The following TMEM51 variants were observed in gnomAD, a reference collection of about 807,000 sequenced individuals.
TMEM51 encodes the protein chromosome 1 open reading frame 72.
TMEM51 carries 8 observed loss-of-function variants against 13.6 expected under a neutral mutation model. The ratio of observed to expected loss-of-function variants is 0.59; its 90% CI spans 0.35 to 1.07. The LOEUF is 1.07. TMEM51 is among the 50% of genes least tolerant of loss of function. The pLI is 0.02. For synonymous variants in TMEM51, 147 were observed against 144.4 expected, an observed-to-expected ratio of 1.02 and a Z score of -0.13; for missense variants, 279 against 330.7, an observed-to-expected ratio of 0.84 and a Z score of 1.21.
intron 3 of TMEM51, among the ~76,000 whole-genome samples, chr1:15,218,210 T>C (rs1002571329): frequency 1.3e-5 from 2 of 152,222 alleles, no homozygotes; most frequent in Non-Finnish European, 2.9e-5. Flanking sequence ...GACCTGATCT[T>C]TTTGAGTCTT....
intron 1 of TMEM51, among the ~76,000 whole-genome samples, chr1:15,203,339 C>T (rs1443594987): frequency 6.6e-6 from 1 of 152,142 alleles, no homozygotes; most frequent in Non-Finnish European, 1.5e-5. Context: ...CTTGCAACCT[C>T]CGCCTCCCTG....
intron 1 of TMEM51, among the ~76,000 whole-genome samples, chr1:15,167,037 A>G (rs1197760297): frequency 6.6e-6 from 1 of 152,050 alleles, no homozygotes; most frequent in Non-Finnish European, 1.5e-5. Context: ...AGTAGAATAC[A>G]TTTGAAATGG....
At chr1:15,174,832 A>C (rs991678294) in intron 1 of TMEM51, among the ~76,000 whole-genome samples, 1 of 152,176 alleles carries the variant, frequency 6.6e-6, no homozygotes, top group African/African-American at 2.4e-5. Context: ...ACGTGTGCAG[A>C]GAGAGCTCTC....
chr1:15,199,559 G>A (rs1211831818), intron 1 of TMEM51, among the ~76,000 whole-genome samples: 2 of 152,186 alleles, frequency 1.3e-5, no homozygotes, highest in African/African-American at 4.8e-5. Context: ...AAACACAGAA[G>A]AGGAAACTGA....
intron 1 of TMEM51, among the ~76,000 whole-genome samples, chr1:15,175,887 A>G (rs1315909709): frequency 6.6e-6 from 1 of 152,158 alleles, no homozygotes; most frequent in Non-Finnish European, 1.5e-5. Flanking sequence ...CAGCCAAACC[A>G]TATCACTCTG....
intron 1 of TMEM51, among the ~76,000 whole-genome samples, chr1:15,196,014 G>A (rs573516634): frequency 1.3e-5 from 2 of 152,326 alleles, no homozygotes; most frequent in East Asian, 3.9e-4. Context: ...AAAAGATGGA[G>A]GCAGTCCTCA....
intron 1 of TMEM51, among the ~76,000 whole-genome samples, chr1:15,189,600 C>T (rs1370674462): frequency 5.9e-5 from 9 of 152,202 alleles, no homozygotes; most frequent in Admixed American, 1.3e-4. Flanking sequence ...GGACACCCAC[C>T]GTGGGGCTTG....
chr1:15,171,500 G>C (rs1435276200), intron 1 of TMEM51, among the ~76,000 whole-genome samples: 10 of 152,022 alleles, frequency 6.6e-5, no homozygotes. Flanking sequence ...AAGTGTCCGC[G>C]GGGGGGCCTG....
intron 1 of TMEM51, among the ~76,000 whole-genome samples, 181 bp downstream of exon 1, chr1:15,154,135 C>A (rs1395883628): frequency 6.6e-6 from 1 of 152,078 alleles, no homozygotes; most frequent in Admixed American, 6.5e-5. Context: ...CCTCTGCGGC[C>A]GCGCCCCGCC....
chr1:15,217,792 G>A (rs1317617718), intron 3 of TMEM51, among the ~76,000 whole-genome samples: 1 of 152,132 alleles, frequency 6.6e-6, no homozygotes, highest in Non-Finnish European at 1.5e-5. Context: ...ACACTGAGGA[G>A]GGGAATCTGC....
intron 1 of TMEM51, among the ~76,000 whole-genome samples, chr1:15,190,250 G>A (rs1297534021): frequency 6.6e-6 from 1 of 152,174 alleles, no homozygotes; most frequent in Non-Finnish European, 1.5e-5. Flanking sequence ...CTCTGGGCTC[G>A]AGTGTTTGTG....
At chr1:15,179,034 G>T (rs903476543) in intron 1 of TMEM51, among the ~76,000 whole-genome samples, 1 of 152,176 alleles carries the variant, frequency 6.6e-6, no homozygotes, top group Non-Finnish European at 1.5e-5. Context: ...GGGACTGCTC[G>T]TTAGGAAAAC....
Position 15,215,042 on chromosome 1 carries a change from A to C in TMEM51, c.-46A>C. 6.5e-7 allele frequency: 1 copy of C among 1,548,284 alleles called. No individual in the cohort carries two copies. Among genetic ancestry groups the C allele is most frequent in the Non-Finnish European group, 8.7e-7 (1 of 1,143,624 alleles). ...TTGTTGTGACTGCTGCCTTGTATAC[A>C]TTTATTTTCTTTCTTGGAACTGGGC... On this transcript the variant is annotated 5_prime_UTR_variant, in exon 3 of 4. Transcript: ENST00000376008.
intron 1 of TMEM51, among the ~76,000 whole-genome samples, chr1:15,206,681 G>C (rs1343307976): frequency 6.6e-6 from 1 of 152,182 alleles, no homozygotes; most frequent in East Asian, 1.9e-4. Flanking sequence ...CTGAGTATCA[G>C]CTGCTGCTGA....
At chr1:15,195,190 C>T (rs1644023994) in intron 1 of TMEM51, among the ~76,000 whole-genome samples, 1 of 152,032 alleles carries the variant, frequency 6.6e-6, no homozygotes, top group South Asian at 2.1e-4. Flanking sequence ...ACCTCGGCCT[C>T]CCAAAGTGCT....
intron 1 of TMEM51, among the ~76,000 whole-genome samples, chr1:15,186,551 T>C (rs2312330): frequency 0.54 from 81,593 of 152,054 alleles, 22,382 homozygotes; most frequent in East Asian, 0.64. Context: ...GGGCAAAGTT[T>C]ACTTAGCCTC....
chr1:15,201,720 G>A (rs975276758), intron 1 of TMEM51, among the ~76,000 whole-genome samples: 22 of 152,130 alleles, frequency 1.4e-4, no homozygotes, highest in African/African-American at 4.3e-4. Context: ...GGACAAGCTC[G>A]GCTCAATACC....
chr1:15,209,796 C>A (rs1644309186), intron 1 of TMEM51, among the ~76,000 whole-genome samples: 1 of 152,086 alleles, frequency 6.6e-6, no homozygotes, highest in African/African-American at 2.4e-5. Flanking sequence ...CTTTGGGAGG[C>A]CAAGGCAAGA....
At chr1:15,193,575 C>CTTTCT (rs1249772503) in intron 1 of TMEM51, among the ~76,000 whole-genome samples, 57 of 114,644 alleles carry the variant, frequency 5.0e-4, no homozygotes, top group African/African-American at 1.4e-3. Flanking sequence ...TTCTTTCTTT[C>CTTTCT]TTTTTTTTTT....
Sources: allele counts gnomAD v4.1 joint callset (sites outside exome capture counted in the v4.1 genomes callset), GRCh38; gene constraint gnomAD v4.1.1; transcripts MANE v1.5; gene names NCBI Gene and HGNC (gene_info 2026-07-23, HGNC 2026-07-21).